PDE4B: variants seen among roughly 807,000 people sequenced by gnomAD.
PDE4B encodes the protein phosphodiesterase 4B.
Under a neutral mutation model 82.2 loss-of-function variants are expected in PDE4B, and 20 were observed. The ratio of observed to expected loss-of-function variants is 0.24; its 90% CI spans 0.17 to 0.35. PDE4B has a LOEUF of 0.35. Ranked by LOEUF, PDE4B falls within the 10% of genes least tolerant of loss-of-function variation. The pLI, the probability that PDE4B is intolerant of heterozygous loss-of-function variation, is 1.00. For missense variants in PDE4B, 655 were observed against 907.2 expected (o/e 0.72, Z 3.57); for synonymous variants, 320 against 318.9 (o/e 1.00, Z -0.04).
chr1:65,811,302 T>C (rs4288570), intron 1 of PDE4B, among the ~76,000 whole-genome samples: 54,569 of 152,086 alleles, frequency 0.36, 10,736 homozygotes, highest in East Asian at 0.65. Context: ...TTTGGACTAA[T>C]TTTTGTTGTA....
intron 3 of PDE4B, among the ~76,000 whole-genome samples, chr1:66,074,675 T>G (rs1178935281): frequency 7.4e-6 from 1 of 135,998 alleles, no homozygotes; most frequent in Non-Finnish European, 1.6e-5. Flanking sequence ...TAATCTGCTT[T>G]CTATTTCTCT....
intron 1 of PDE4B, among the ~76,000 whole-genome samples, chr1:65,799,520 G>A (rs909181305): frequency 6.6e-6 from 1 of 152,054 alleles, no homozygotes; most frequent in Non-Finnish European, 1.5e-5. Flanking sequence ...TCAAAAATTT[G>A]CATTCAATAT....
intron 3 of PDE4B, among the ~76,000 whole-genome samples, chr1:66,016,667 A>C (rs532222033): frequency 1.6e-4 from 24 of 152,348 alleles, no homozygotes; most frequent in African/African-American, 5.8e-4. Context: ...AAGAGATGCA[A>C]TATATGAGAG....
intron 3 of PDE4B, among the ~76,000 whole-genome samples, chr1:65,965,635 A>T (rs1226789704): frequency 1.3e-5 from 2 of 152,126 alleles, no homozygotes; most frequent in Admixed American, 6.6e-5. Flanking sequence ...ATTATCAACC[A>T]GGAGGGTTTC....
intron 3 of PDE4B, among the ~76,000 whole-genome samples, chr1:66,159,247 T>G (rs1646561190): frequency 7.1e-6 from 1 of 141,826 alleles, no homozygotes; most frequent in African/African-American, 2.7e-5. Flanking sequence ...AAATAAAACT[T>G]TTTTTTTTTT....
At chr1:66,073,012 GC>G (rs1459248687) in intron 3 of PDE4B, among the ~76,000 whole-genome samples, 1 of 97,368 alleles carries the variant, frequency 1.0e-5, no homozygotes, top group Non-Finnish European at 2.1e-5. Flanking sequence ...TCAGCCTTTA[GC>G]CCTTTTTTTT....
At chr1:66,040,906 G>A (rs1000834852) in intron 3 of PDE4B, among the ~76,000 whole-genome samples, 7 of 151,890 alleles carry the variant, frequency 4.6e-5, no homozygotes, top group Admixed American at 6.6e-5. Context: ...AGACAAAATC[G>A]TATCTTGCTC....
chr1:66,110,730 A>T (rs1341719665), intron 3 of PDE4B, among the ~76,000 whole-genome samples: 1 of 149,804 alleles, frequency 6.7e-6, no homozygotes, highest in Non-Finnish European at 1.5e-5. Flanking sequence ...ATAAACGAGA[A>T]TATATATAAT....
At chr1:66,215,206 G>A (rs1461357041) in intron 3 of PDE4B, among the ~76,000 whole-genome samples, 3 of 152,152 alleles carry the variant, frequency 2.0e-5, no homozygotes, top group Non-Finnish European at 4.4e-5. Flanking sequence ...TAGGCAACAA[G>A]CCAATGGGAA....
chr1:65,917,726 T>C (rs539504071), intron 2 of PDE4B, among the ~76,000 whole-genome samples: 6 of 152,314 alleles, frequency 3.9e-5, no homozygotes, highest in African/African-American at 1.4e-4. Flanking sequence ...AGTTCAAGAC[T>C]GAATAAAGTA....
intron 1 of PDE4B, among the ~76,000 whole-genome samples, chr1:65,797,966 C>T (rs1645649704): frequency 6.6e-6 from 1 of 152,056 alleles, no homozygotes; most frequent in Non-Finnish European, 1.5e-5. Flanking sequence ...CCTTGGGATG[C>T]CCCTTGCATT....
intron 3 of PDE4B, among the ~76,000 whole-genome samples, chr1:66,140,581 G>C (rs866140722): frequency 6.6e-6 from 1 of 152,138 alleles, no homozygotes; most frequent in Admixed American, 6.6e-5. Flanking sequence ...ACAGAAATCA[G>C]TCTTGTTTTC....
chr1:66,154,033 C>A (rs184733939), intron 3 of PDE4B, among the ~76,000 whole-genome samples: 3 of 152,286 alleles, frequency 2.0e-5, no homozygotes, highest in East Asian at 1.9e-4. Flanking sequence ...TTTTAAAATT[C>A]TTTTCCCTTC....
intron 7 of PDE4B, among the ~76,000 whole-genome samples, chr1:66,314,605 G>GT (rs1441966782): frequency 6.6e-6 from 1 of 151,988 alleles, no homozygotes; most frequent in Non-Finnish European, 1.5e-5. Flanking sequence ...TAGAGATGGG[G>GT]TTTCACCATA....
At chr1:66,279,233 T>C (rs1199120486) in intron 7 of PDE4B, among the ~76,000 whole-genome samples, 1 of 152,188 alleles carries the variant, frequency 6.6e-6, no homozygotes, top group Non-Finnish European at 1.5e-5. Context: ...CTTTATGTCA[T>C]GGGCATAAGT....
At chr1:66,149,456 G>A (rs1487309585) in intron 3 of PDE4B, among the ~76,000 whole-genome samples, 5 of 151,368 alleles carry the variant, frequency 3.3e-5, no homozygotes, top group Admixed American at 6.6e-5. Flanking sequence ...TAATTTTGAT[G>A]TGGTCAAATT....
intron 3 of PDE4B, among the ~76,000 whole-genome samples, chr1:66,064,976 A>T (rs895797750): frequency 4.6e-5 from 7 of 151,904 alleles, no homozygotes; most frequent in South Asian, 2.1e-4. Context: ...AAATTTCGTT[A>T]CTTTTAAATA....
intron 7 of PDE4B, among the ~76,000 whole-genome samples, chr1:66,304,717 T>C (rs492589): frequency 0.62 from 94,354 of 152,004 alleles, 29,864 homozygotes; most frequent in African/African-American, 0.71. Flanking sequence ...GTAGACCCAG[T>C]GAGGAGAATG....
intron 1 of PDE4B, among the ~76,000 whole-genome samples, chr1:65,884,329 T>C (rs1276649023): frequency 1.3e-5 from 2 of 152,154 alleles, no homozygotes; most frequent in Admixed American, 1.3e-4. Flanking sequence ...TTGCCTCAAT[T>C]TGAGAGCCTG....
Sources: allele counts gnomAD v4.1 joint callset (sites outside exome capture counted in the v4.1 genomes callset), GRCh38; gene constraint gnomAD v4.1.1; transcripts MANE v1.5; gene names NCBI Gene and HGNC (gene_info 2026-07-23, HGNC 2026-07-21).